Variants in PRKCE observed in about 807,000 individuals in gnomAD.
PRKCE encodes the protein protein kinase C epsilon type.
PRKCE carries 16 observed loss-of-function variants against 85.4 expected under a neutral mutation model. The observed-to-expected ratio is 0.19, with a 90% CI of 0.13 to 0.28. The LOEUF (loss-of-function observed/expected upper bound fraction) is 0.28. PRKCE is among the 10% of genes least tolerant of loss of function. The probability of loss-of-function intolerance (pLI) is 1.00; values close to 1 mark genes in which losing one functional copy is unlikely to be tolerated. For missense variants in PRKCE, 573 were observed against 975.2 expected (o/e 0.59, Z 5.49); for synonymous variants, 388 against 371.5 (o/e 1.04, Z -0.51).
intron 1 of PRKCE, among the ~76,000 whole-genome samples, chr2:45,657,154 GC>G (rs1260064498): frequency 6.6e-6 from 1 of 152,190 alleles, no homozygotes; most frequent in Admixed American, 6.5e-5. Flanking sequence ...CTACTGCCCT[GC>G]CTCTGAAGAC....
intron 11 of PRKCE, among the ~76,000 whole-genome samples, chr2:46,091,697 G>A (rs1381229403): frequency 1.3e-5 from 2 of 152,122 alleles, no homozygotes; most frequent in African/African-American, 4.8e-5. Flanking sequence ...TGAGTGAATA[G>A]GTCTAAGTAA....
At chr2:46,028,069 G>A (rs930231024) in intron 10 of PRKCE, among the ~76,000 whole-genome samples, 2 of 152,032 alleles carry the variant, frequency 1.3e-5, no homozygotes, top group East Asian at 1.9e-4. Context: ...AGCCTCCCGA[G>A]TAGCTGGGAT....
At chr2:45,856,163 A>G (rs1326217242) in intron 2 of PRKCE, among the ~76,000 whole-genome samples, 2 of 152,174 alleles carry the variant, frequency 1.3e-5, no homozygotes, top group African/African-American at 4.8e-5. Flanking sequence ...ATGCATGTGT[A>G]CATAGTATAG....
chr2:46,135,937 AC>A (rs1674947803), intron 11 of PRKCE, among the ~76,000 whole-genome samples: 1 of 150,410 alleles, frequency 6.6e-6, no homozygotes, highest in African/African-American at 2.5e-5. Context: ...TCTGGAAAAA[AC>A]GTCTTTCTCT....
chr2:45,941,560 A>T (rs80004603), intron 2 of PRKCE, among the ~76,000 whole-genome samples: 2 of 152,160 alleles, frequency 1.3e-5, no homozygotes, highest in South Asian at 4.1e-4. Context: ...TGAGGAAGAC[A>T]CAGAACTTCA....
Position 45,906,315 on chromosome 2 carries a change from G to A in PRKCE, c.412+63252G>A, listed in dbSNP as rs1353718763. ...GCTTGGGGCAAGACATTGCCAAGGT[G>A]CAGAGAACAGGTTTCTGGAGGCAGG... On this transcript the variant is annotated intron_variant, in intron 2 of 14. Coordinates refer to ENST00000306156, the MANE Select transcript of PRKCE (RefSeq NM_005400.3). 2.0e-5 allele frequency among the ~76,000 whole-genome samples: 3 copies of A among 152,260 alleles called. No individual in the cohort carries two copies. The South Asian group carries it at 6.2e-4, about 32-fold the overall frequency.
intron 2 of PRKCE, among the ~76,000 whole-genome samples, chr2:45,925,165 T>A (rs916460889): frequency 1.3e-5 from 2 of 152,198 alleles, no homozygotes; most frequent in African/African-American, 4.8e-5. Context: ...TTCTTGAGGA[T>A]GTCCAGTTTC....
chr2:45,756,008 G>A (rs1386043937), intron 1 of PRKCE, among the ~76,000 whole-genome samples: 1 of 152,210 alleles, frequency 6.6e-6, no homozygotes, highest in African/African-American at 2.4e-5. Flanking sequence ...GTATAATAAG[G>A]AGTTGCAGCT....
intron 1 of PRKCE, among the ~76,000 whole-genome samples, chr2:45,784,934 C>G (rs1419085908): frequency 1.3e-5 from 2 of 152,170 alleles, no homozygotes; most frequent in Non-Finnish European, 2.9e-5. Context: ...AGATCTGGTA[C>G]TATACCTCAA....
intron 10 of PRKCE, among the ~76,000 whole-genome samples, chr2:46,056,955 G>A (rs745639268): frequency 6.6e-6 from 1 of 152,220 alleles, no homozygotes; most frequent in Non-Finnish European, 1.5e-5. Context: ...CAGCTGGTTG[G>A]TTCTGGCTCA....
In PRKCE at chr2:46,041,332, A is replaced by C. The variant is rs547838911; in HGVS notation, c.1437+30815A>C. Among the ~76,000 whole-genome samples, 1 of 152,226 alleles carries C rather than the reference A, an allele frequency of 6.6e-6. No individual in the cohort carries two copies. Among genetic ancestry groups the C allele is most frequent in the Non-Finnish European group, 1.5e-5 (1 of 68,040 alleles). On this transcript the variant is annotated intron_variant, in intron 10 of 14. Transcript: ENST00000306156. This position sits in a 1 kb window ranked among gnomAD's most constrained non-coding sequence, Gnocchi z 5.5. ...GATTGGCTCATTGGTTTTTCCTTCC[A>C]TAAGTCAATATCTGATGCTTTGATT...
chr2:45,861,845 C>A (rs1360195193), intron 2 of PRKCE, among the ~76,000 whole-genome samples: 2 of 152,078 alleles, frequency 1.3e-5, no homozygotes, highest in African/African-American at 2.4e-5. Flanking sequence ...AATTAACAAC[C>A]ATTATAAAGT....
At chr2:45,670,059 A>T (rs1676084726) in intron 1 of PRKCE, among the ~76,000 whole-genome samples, 1 of 152,206 alleles carries the variant, frequency 6.6e-6, no homozygotes, top group Non-Finnish European at 1.5e-5. Context: ...CAAGTCTGTT[A>T]TTAGTTATCA....
At chr2:46,063,714 T>C (rs889944407) in intron 10 of PRKCE, among the ~76,000 whole-genome samples, 1 of 152,176 alleles carries the variant, frequency 6.6e-6, no homozygotes, top group Non-Finnish European at 1.5e-5. Flanking sequence ...AGATTTACAG[T>C]GTTTTGCTAG....
chr2:45,665,478 G>T (rs961838567), intron 1 of PRKCE, among the ~76,000 whole-genome samples: 1 of 152,316 alleles, frequency 6.6e-6, no homozygotes, highest in East Asian at 1.9e-4. Context: ...ATTTAAGTAA[G>T]CATCAACTCT....
chr2:45,982,600 G>T (rs1337419905), intron 5 of PRKCE, among the ~76,000 whole-genome samples: 4 of 151,846 alleles, frequency 2.6e-5, no homozygotes, highest in Non-Finnish European at 4.4e-5. Context: ...TCCTCTCCAT[G>T]TTCTCTCTGT....
intron 1 of PRKCE, among the ~76,000 whole-genome samples, chr2:45,748,194 G>T (rs957076085): frequency 2.0e-5 from 3 of 152,174 alleles, no homozygotes; most frequent in African/African-American, 7.2e-5. Context: ...AAAATCCATG[G>T]ATATATGCCA....
intron 10 of PRKCE, among the ~76,000 whole-genome samples, chr2:46,023,189 G>T (rs1255013301): frequency 6.6e-6 from 1 of 151,898 alleles, no homozygotes. Context: ...GCCTGTTCTG[G>T]CCAGTTGGCC....
chr2:45,922,761 A>G (rs1698343913), intron 2 of PRKCE, among the ~76,000 whole-genome samples: 1 of 152,160 alleles, frequency 6.6e-6, no homozygotes, highest in Non-Finnish European at 1.5e-5. Context: ...GGTTGCCTGG[A>G]GATTATCATG....
Sources: gnomAD v4.1 joint callset for allele counts (sites outside exome capture counted in the v4.1 genomes callset) on GRCh38, gnomAD v4.1.1 for gene constraint, Gnocchi (gnomAD v3.1) non-coding constraint, MANE v1.5 for transcripts, NCBI Gene and HGNC (gene_info 2026-07-23, HGNC 2026-07-21) for gene names.